The following PDIA6 variants were observed in gnomAD, a reference collection of about 807,000 sequenced individuals.
PDIA6 encodes protein disulfide-isomerase A6.
Under a neutral mutation model 58.4 loss-of-function variants are expected in PDIA6, and 29 were observed. The ratio of observed to expected loss-of-function variants is 0.50; its 90% CI spans 0.37 to 0.68. The LOEUF (loss-of-function observed/expected upper bound fraction) is 0.68, where lower values mean the gene tolerates loss of function less well. Ranked by LOEUF, PDIA6 falls within the 30% of genes least tolerant of loss-of-function variation. The pLI, the probability that PDIA6 is intolerant of heterozygous loss-of-function variation, is 0.00. For missense variants in PDIA6, 480 were observed against 551.0 expected, an observed-to-expected ratio of 0.87 and a Z score of 1.29; for synonymous variants, 192 against 202.6, an observed-to-expected ratio of 0.95 and a Z score of 0.44.
chr2:10,834,716 TCCCTCCCTTCCTTCCC>T (rs1667787454), upstream of PDIA6, among the ~76,000 whole-genome samples: 2 of 19,956 alleles, frequency 1.0e-4, no homozygotes, highest in African/African-American at 1.8e-4. Context: ...CCTCCCTCCC[TCCCTCCCTTCCTTCCC>T]TCCTTCCTTC....
At chr2:10,797,348 C>T (rs1666310951) in intron 3 of PDIA6, 141 bp from the exon 4 acceptor site, 1 of 729,952 alleles carries the variant, frequency 1.4e-6, no homozygotes, top group Non-Finnish European at 2.2e-6. Context: ...AGGGCTTTAG[C>T]CTTGAACACC....
intron 4 of PDIA6, among the ~76,000 whole-genome samples, chr2:10,796,064 T>C (rs4669626): frequency 2.4e-5 from 1 of 41,814 alleles, no homozygotes; most frequent in East Asian, 6.8e-4. Flanking sequence ...TGATATCTTT[T>C]TTTTTTTTTT....
chr2:10,836,557 T>TA (rs1667836315), upstream of PDIA6, among the ~76,000 whole-genome samples: 2 of 151,062 alleles, frequency 1.3e-5, no homozygotes, highest in African/African-American at 2.4e-5. Flanking sequence ...TTTTTTTTTT[T>TA]AATTAAGAGA....
chr2:10,818,486 ATTT>A (rs1558460300), intron 2 of PDIA6, among the ~76,000 whole-genome samples: 1,131 of 48,068 alleles, frequency 0.024, 8 homozygotes, highest in African/African-American at 0.046. Flanking sequence ...CATTTAATTT[ATTT>A]ATTTATTTAT....
At chr2:10,809,476 G>A (rs1050001617) in intron 1 of PDIA6, among the ~76,000 whole-genome samples, 2 of 151,804 alleles carry the variant, frequency 1.3e-5, no homozygotes, top group African/African-American at 4.8e-5. Flanking sequence ...AGGAGTTTGA[G>A]ACCAGCCTGG....
At chr2:10,793,672 C>G (rs1431607508) in intron 4 of PDIA6, among the ~76,000 whole-genome samples, 1 of 152,152 alleles carries the variant, frequency 6.6e-6, no homozygotes, top group Non-Finnish European at 1.5e-5. Flanking sequence ...CCCGATTTCT[C>G]TTCTTAAGTT....
intron 1 of PDIA6, chr2:10,810,286 G>A: frequency 6.5e-7 from 1 of 1,534,638 alleles, no homozygotes; most frequent in African/African-American, 1.4e-5. Context: ...TAACCGAAGG[G>A]CTGGAGAATG....
chr2:10,798,422 G>C (rs1422065775), intron 2 of PDIA6, among the ~76,000 whole-genome samples: 1 of 151,980 alleles, frequency 6.6e-6, no homozygotes. Flanking sequence ...ACAAAAATTA[G>C]CTGGGCATGG....
chr2:10,804,739 T>C (rs1225608692), intron 1 of PDIA6, among the ~76,000 whole-genome samples: 3 of 132,210 alleles, frequency 2.3e-5, no homozygotes, highest in Admixed American at 8.4e-5. Context: ...GGGGATGGCA[T>C]TGAATCTGTA....
intron 8 of PDIA6, 81 bp from the exon 9 acceptor site, chr2:10,789,062 G>T: frequency 2.1e-6 from 2 of 940,796 alleles, no homozygotes; most frequent in East Asian, 2.4e-5. Flanking sequence ...CAAGACCTTC[G>T]CACCGTCACT....
intron 1 of PDIA6, chr2:10,821,074 C>G: frequency 1.9e-6 from 1 of 516,494 alleles, no homozygotes; most frequent in Non-Finnish European, 3.5e-6. Context: ...TGTTTTAAAA[C>G]AGCCTTCGGA....
upstream of PDIA6, among the ~76,000 whole-genome samples, chr2:10,815,073 GGCACAGGCTTCGGGAAAT>G (rs1572695603): frequency 1.3e-5 from 2 of 151,750 alleles, no homozygotes; most frequent in East Asian, 1.9e-4. Context: ...CCACTGTACA[GGCACAGGCTTCGGGAAAT>G]GCACAGGCTT....
At chr2:10,789,169 C>G (rs1665918516) in intron 8 of PDIA6, among the ~76,000 whole-genome samples, 188 bp from the exon 9 acceptor site, 1 of 152,178 alleles carries the variant, frequency 6.6e-6, no homozygotes, top group Admixed American at 6.5e-5. Flanking sequence ...GATTCTTAAG[C>G]CTGTGGAAGC....
chr2:10,795,449 C>G (rs1050732341), intron 4 of PDIA6, among the ~76,000 whole-genome samples: 2 of 151,562 alleles, frequency 1.3e-5, no homozygotes, highest in African/African-American at 4.8e-5. Context: ...GCTGGGGAGC[C>G]TAGCAGAGAC....
chr2:10,801,791 C>T (rs976092651), intron 2 of PDIA6, among the ~76,000 whole-genome samples: 1 of 152,192 alleles, frequency 6.6e-6, no homozygotes, highest in Non-Finnish European at 1.5e-5. Flanking sequence ...ATCAGGCATA[C>T]CCTAAAATGT....
chr2:10,819,161 C>G (rs1667310182), intron 2 of PDIA6: 2 of 646,762 alleles, frequency 3.1e-6, no homozygotes, highest in South Asian at 3.8e-5. Context: ...CATCATATGA[C>G]TAGACCTCAT....
chr2:10,786,651 T>G (rs1665775457), intron 11 of PDIA6, among the ~76,000 whole-genome samples: 1 of 152,304 alleles, frequency 6.6e-6, no homozygotes, highest in South Asian at 2.1e-4. Context: ...AACTACCTTT[T>G]GTGTGCTGAA....
At chr2:10,835,065 G>T (rs1667802175), upstream of PDIA6, among the ~76,000 whole-genome samples, 1 of 152,122 alleles carries the variant, frequency 6.6e-6, no homozygotes, top group Admixed American at 6.5e-5. Flanking sequence ...ACTGTGCCTG[G>T]CGTAGAGTGA....
intron 1 of PDIA6, among the ~76,000 whole-genome samples, chr2:10,827,869 G>GT (rs1396670627): frequency 6.6e-6 from 1 of 150,696 alleles, no homozygotes; most frequent in Non-Finnish European, 1.5e-5. Context: ...TAGAACTAGA[G>GT]TAAAAAAAAA....
Sources: allele counts gnomAD v4.1 joint callset (sites outside exome capture counted in the v4.1 genomes callset), GRCh38; gene constraint gnomAD v4.1.1; transcripts MANE v1.5; gene names NCBI Gene and HGNC (gene_info 2026-07-23, HGNC 2026-07-21).